DPAGT1: variants seen among roughly 807,000 people sequenced by gnomAD.
The protein encoded by DPAGT1 is UDP-N-acetylglucosamine--dolichyl-phosphate N-acetylglucosaminephosphotransferase.
In DPAGT1, 25 loss-of-function variants were observed where a neutral mutation model predicts 39.3. The ratio of observed to expected loss-of-function variants is 0.64; its 90% confidence interval spans 0.46 to 0.89. The LOEUF (loss-of-function observed/expected upper bound fraction) is 0.89. Ranked by LOEUF, DPAGT1 falls within the 40% of genes least tolerant of loss-of-function variation. The pLI is 0.00. For missense variants in DPAGT1, 381 were observed against 500.6 expected, an observed-to-expected ratio of 0.76 and a Z score of 2.28; for synonymous variants, 193 against 201.4, an observed-to-expected ratio of 0.96 and a Z score of 0.36.
At chr11:119,094,869 G>C, downstream of DPAGT1, 2 of 1,293,012 alleles carry the variant, frequency 1.5e-6, no homozygotes, top group South Asian at 1.5e-5. Context: ...AGTCTGAAGC[G>C]GCTCAGCTCT....
rs1946472427 is a variant in DPAGT1, at chr11:119,100,171, T to C, written c.643+91A>G. The C allele has an allele frequency of 4.4e-6, 7 of 1,584,924 alleles. No homozygotes were observed. The South Asian group carries it at 5.6e-5, about 13-fold the overall frequency. On this transcript the variant is annotated intron_variant, in intron 4 of 8. Transcript: ENST00000354202. Reference sequence around the variant, plus strand: ...TTATCTTCTATAATTACTATGCATATTGCTTTTTTCCCCTGAATTTCCCAA... The same window carrying C: ...TTATCTTCTATAATTACTATGCATACTGCTTTTTTCCCCTGAATTTCCCAA...
At chr11:119,101,422 G>A in intron 1 of DPAGT1, 73 bp downstream of exon 1, 5 of 1,611,528 alleles carry the variant, frequency 3.1e-6, no homozygotes, top group East Asian at 2.2e-5. Flanking sequence ...CAAGCACCCC[G>A]GTTCCCGCCC....
Position 119,097,655 on chromosome 11 carries a change from T to G in DPAGT1, c.918-104A>C. The stretch of plus-strand genomic sequence containing the variant: ...ATGTGGAGTCAACCTGAGATCTATT[T>G]CTGGCTCTGCTGCTTACTGTTATCA... On this transcript the variant is annotated intron_variant, in intron 6 of 8. Coordinates refer to ENST00000354202, the MANE Select transcript of DPAGT1 (RefSeq NM_001382.4). This position sits in a 1 kb window ranked among gnomAD's most constrained non-coding sequence, Gnocchi z 4.6. The G allele has an allele frequency of 6.8e-7, 1 of 1,471,302 alleles. No homozygotes were observed. Among genetic ancestry groups the G allele is most frequent in the Non-Finnish European group, 9.5e-7 (1 of 1,052,794 alleles). 91.1% of individuals were successfully genotyped at this position (1,471,302 alleles called of 1,614,324 possible).
chr11:119,094,613 G>A (rs925969823), downstream of DPAGT1: 2 of 188,078 alleles, frequency 1.1e-5, no homozygotes, highest in South Asian at 1.7e-4. Flanking sequence ...GCGGGCAGGT[G>A]CGGCGCCGCC....
Position 119,097,947 on chromosome 11 carries a change from C to T in DPAGT1, c.825G>A (p.Met275Ile). ...ACACCTGGGGCATGAAGAATAGTAG[C>T]ATGGTCTTGCTGAAGTGTCCCAAGA... ...VGILGHFSKT[M>I]LLFFMPQVFN... Residue 275 changes from methionine to isoleucine, a missense_variant, in exon 6 of 9, where the codon ATG (methionine) becomes ATA (isoleucine). Met to Ile is a conservative substitution (Grantham distance 10). Coordinates refer to ENST00000354202, the MANE Select transcript of DPAGT1 (RefSeq NM_001382.4). This position sits in a 1 kb window ranked among gnomAD's most constrained non-coding sequence, Gnocchi z 4.6. 2 of 1,614,212 alleles carry T rather than the reference C, an allele frequency of 1.2e-6. No homozygotes were observed. Among genetic ancestry groups the T allele is most frequent in the South Asian group, 2.2e-5 (2 of 91,084 alleles).
At chr11:119,100,565 G>A (rs764801785) in intron 3 of DPAGT1, 65 bp downstream of exon 3, 2 of 1,603,778 alleles carry the variant, frequency 1.2e-6, no homozygotes, top group Non-Finnish European at 1.7e-6. Context: ...GGAGGAGAAT[G>A]TGGAGCACCA....
rs950518958 is a variant in DPAGT1, at chr11:119,101,493, A to C, written c.161+2T>G. 2 of 1,613,984 alleles carry C rather than the reference A, an allele frequency of 1.2e-6. No individual in the cohort carries two copies. Among genetic ancestry groups the C allele is most frequent in the Admixed American group, 3.3e-5 (2 of 60,018 alleles). On this transcript the variant is annotated splice_donor_variant, in intron 1 of 8. Transcript: ENST00000354202. LOFTEE classifies it high-confidence loss of function. ...TGCCCGGACCCGTGTGCCGCTGCTCACATCTGCTGTCGGCTGGTTTTGTTG... is the reference window on the plus strand; with the variant it reads ...TGCCCGGACCCGTGTGCCGCTGCTCCCATCTGCTGTCGGCTGGTTTTGTTG...
downstream of DPAGT1, chr11:119,095,607 C>T (rs1001541110): frequency 3.9e-6 from 2 of 519,072 alleles, no homozygotes; most frequent in Non-Finnish European, 3.3e-6. Context: ...AGGGAGCGCG[C>T]CCGCTGATTG....
chr11:119,097,825 G>A lies in DPAGT1; in HGVS notation c.917+30C>T. 1 of 1,613,080 alleles carries A rather than the reference G, an allele frequency of 6.2e-7. No individual in the cohort carries two copies. Among genetic ancestry groups the A allele is most frequent in the South Asian group, 1.1e-5 (1 of 91,052 alleles). On this transcript the variant is annotated intron_variant, in intron 6 of 8. Transcript: ENST00000354202. The surrounding 1 kb of genome is among the most constrained non-coding windows in gnomAD (Gnocchi z 4.6). ...TAGATATCCCAAGTGAAAAGGCTAT[G>A]ATGTCCATTTCAAGCCAAAAAGCGG...
chr11:119,094,624 G>A (rs934663404), downstream of DPAGT1: 6 of 196,794 alleles, frequency 3.0e-5, no homozygotes, highest in Admixed American at 1.8e-4. Context: ...CGGCGCCGCC[G>A]GCCTCCCCCC....
intron 3 of DPAGT1, 88 bp from the exon 4 acceptor site, chr11:119,100,496 T>C: frequency 6.2e-7 from 1 of 1,604,076 alleles, no homozygotes; most frequent in Non-Finnish European, 8.5e-7. Flanking sequence ...GGACGGACGA[T>C]AGGATGAAGG....
downstream of DPAGT1, chr11:119,094,450 CCTCA>C (rs1418086547): frequency 6.6e-6 from 1 of 152,386 alleles, no homozygotes; most frequent in East Asian, 1.9e-4. Context: ...CTGCCGAGGG[CCTCA>C]CTCACCTTCA....
chr11:119,100,898 A>G (rs1259804905), intron 2 of DPAGT1, 55 bp from the exon 3 acceptor site: 1 of 1,613,674 alleles, frequency 6.2e-7, no homozygotes, highest in African/African-American at 1.3e-5. Flanking sequence ...TCCACCTTTT[A>G]AGAATTCCTG....
intron 1 of DPAGT1, 35 bp downstream of exon 1, chr11:119,101,460 T>C (rs776476624): frequency 6.2e-7 from 1 of 1,613,840 alleles, no homozygotes; most frequent in East Asian, 2.2e-5. Flanking sequence ...TCCTTAGCCC[T>C]TGCCCCCTGC....
rs1946424596 is a variant in DPAGT1 at position 119,097,829 on chromosome 11, T to C, written c.917+26A>G. ...TATCCCAAGTGAAAAGGCTATGATG[T>C]CCATTTCAAGCCAAAAAGCGGCTAC... On this transcript the variant is annotated intron_variant, in intron 6 of 8. Transcript: ENST00000354202. This position sits in a 1 kb window ranked among gnomAD's most constrained non-coding sequence, Gnocchi z 4.6. 1 of 1,613,524 alleles carries C rather than the reference T, an allele frequency of 6.2e-7. No homozygotes were observed. The highest frequency in any genetic ancestry group is 1.7e-4 in the Middle Eastern group (1 of 5,980).
At position 119,100,728 on chromosome 11, in the gene DPAGT1, G is replaced by A. The variant is rs1315559074; in HGVS notation, c.398C>T (p.Ser133Leu). 6.2e-7 allele frequency: 1 copy of A among 1,614,080 alleles called. No individual in the cohort carries two copies. Among genetic ancestry groups the A allele is most frequent in the Non-Finnish European group, 8.5e-7 (1 of 1,180,036 alleles). The part of the protein sequence containing the change: ...RHKLLLPTAA[S>L]LPLLMVYFTN... ...GAAATAGACCATGAGGAGAGGTAGT[G>A]AGGCAGCTGTAGGTAGCAGCAGCTT... The change falls in exon 3 of 9, where the codon TCA (serine) becomes TTA (leucine). Residue 133 changes from serine to leucine, a missense_variant. Ser to Leu is a moderately radical substitution (Grantham distance 145). Coordinates refer to ENST00000354202, the MANE Select transcript of DPAGT1 (RefSeq NM_001382.4).
chr11:119,095,031 T>C (rs368063516), downstream of DPAGT1: 3 of 1,613,296 alleles, frequency 1.9e-6, no homozygotes, highest in African/African-American at 4.0e-5. Flanking sequence ...ACGGTGGCGC[T>C]GGTCTTCTTG....
chr11:119,096,094 T>A (rs1259854222), downstream of DPAGT1, among the ~76,000 whole-genome samples: 4 of 152,162 alleles, frequency 2.6e-5, no homozygotes, highest in Non-Finnish European at 5.9e-5. Flanking sequence ...ACCTCCCTCG[T>A]AGCTGGTACT....
downstream of DPAGT1, among the ~76,000 whole-genome samples, chr11:119,095,952 T>G (rs1946384798): frequency 6.6e-6 from 1 of 151,942 alleles, no homozygotes; most frequent in Non-Finnish European, 1.5e-5. Flanking sequence ...TTAAAAGTTT[T>G]CTTTTTTTTC....
Sources: gnomAD v4.1 joint callset for allele counts (sites outside exome capture counted in the v4.1 genomes callset) on GRCh38, gnomAD v4.1.1 for gene constraint, Gnocchi (gnomAD v3.1) non-coding constraint, MANE v1.5 for transcripts, NCBI Gene and HGNC (gene_info 2026-07-23, HGNC 2026-07-21) for gene names.